The following CALCR variants were observed in gnomAD, a reference collection of about 807,000 sequenced individuals.
CALCR encodes the protein calcitonin receptor.
A neutral mutation model predicts 59.5 loss-of-function variants in CALCR; 47 were observed. The ratio of observed to expected loss-of-function variants is 0.79; its 90% CI spans 0.63 to 1.01. The LOEUF (loss-of-function observed/expected upper bound fraction) is 1.01. CALCR is among the 50% of genes least tolerant of loss of function. CALCR has a pLI of 0.00. For synonymous variants in CALCR, 213 were observed against 211.3 expected (o/e 1.01, Z -0.07); for missense variants, 566 against 597.1 (o/e 0.95, Z 0.54).
rs568230680 is a variant in CALCR at position 93,490,041 on chromosome 7, C to T, written c.-26-3034G>A. 3.9e-5 allele frequency among the ~76,000 whole-genome samples: 6 copies of T among 151,966 alleles called. No homozygotes were observed. In the East Asian group the frequency reaches 9.7e-4, roughly 25 times the overall value. ...TACTGGCAAACTGAATCCAGGAGGA[C>T]ATCAAAAAACGTATCCACCATGATC... is the stretch of plus-strand genomic sequence containing the variant. On this transcript the variant is annotated intron_variant, in intron 2 of 13. Coordinates refer to ENST00000426151, the MANE Select transcript of CALCR (RefSeq NM_001742.4).
chr7:93,435,875 G>C lies in CALCR; in HGVS notation c.1149+77C>G, dbSNP rs940191450. On this transcript the variant is annotated intron_variant, in intron 12 of 13. Coordinates refer to ENST00000426151, the MANE Select transcript of CALCR (RefSeq NM_001742.4). The stretch of plus-strand genomic sequence containing the variant: ...ACAAATAAGTAAAATAATAATAAAA[G>C]ATCATGGGCTTTAGAGTTAAAATCA... The C allele has an allele frequency of 2.0e-5, 11 of 549,262 alleles. No individual in the cohort carries two copies. In the African/African-American group the frequency reaches 2.1e-4, roughly 10 times the overall value. 34.0% of individuals were successfully genotyped at this position (549,262 alleles called of 1,614,324 possible).
intron 2 of CALCR, among the ~76,000 whole-genome samples, chr7:93,569,758 TTGTTAGATG>T (rs1398984459): frequency 2.0e-5 from 3 of 152,054 alleles, no homozygotes; most frequent in Non-Finnish European, 4.4e-5. Flanking sequence ...GGATGGAAAT[TTGTTAGATG>T]TGTTATGGGA....
intron 2 of CALCR, among the ~76,000 whole-genome samples, chr7:93,547,945 A>G (rs1789336763): frequency 6.6e-6 from 1 of 152,196 alleles, no homozygotes; most frequent in African/African-American, 2.4e-5. Flanking sequence ...TTTCAAGGCC[A>G]CATTCCTCAT....
Position 93,554,769 on chromosome 7 carries a change from G to GTATATATATATATATATA in CALCR, c.-27+19502_-27+19519dup, listed in dbSNP as rs55879216. Among the ~76,000 whole-genome samples, 720 of 117,134 alleles carry GTATATATATATATATATA rather than the reference G, an allele frequency of 6.1e-3. 29 individuals carry two copies. Among genetic ancestry groups the GTATATATATATATATATA allele is most frequent in the African/African-American group, 0.016 (352 of 22,510 alleles). The allele number at this position is 117,134 out of a possible 152,430, so 76.8% of individuals were successfully genotyped here. ...ATAGATGTTCAAATTGCCAGGCCAT[G>GTATATATATATATATATA]TATATATATATATATATATATATTA... is the stretch of plus-strand genomic sequence containing the variant. On this transcript the variant is annotated intron_variant, in intron 2 of 13. Transcript: ENST00000426151.
At chr7:93,461,130 A>G (rs562658532) in intron 7 of CALCR, among the ~76,000 whole-genome samples, 183 bp from the exon 8 acceptor site, 3 of 152,302 alleles carry the variant, frequency 2.0e-5, no homozygotes, top group South Asian at 4.1e-4. Context: ...TTTAAAAAAC[A>G]TGTTTCCAAA....
At chr7:93,462,913 C>T (rs775085175) in intron 7 of CALCR, among the ~76,000 whole-genome samples, 11 of 151,964 alleles carry the variant, frequency 7.2e-5, no homozygotes, top group Non-Finnish European at 1.3e-4. Flanking sequence ...TTATTCTCTC[C>T]TTTCCTCCCA....
chr7:93,566,343 C>G (rs1789863146), intron 2 of CALCR, among the ~76,000 whole-genome samples: 2 of 151,714 alleles, frequency 1.3e-5, no homozygotes, highest in African/African-American at 4.8e-5. Flanking sequence ...CAGGTTATAC[C>G]AAAAGGCTGG....
chr7:93,527,488 T>G (rs1486315713), intron 2 of CALCR, among the ~76,000 whole-genome samples: 3 of 152,158 alleles, frequency 2.0e-5, no homozygotes, highest in Non-Finnish European at 4.4e-5. Context: ...TAAAAATAAT[T>G]CTTGAAATTT....
At chr7:93,505,019 A>G (rs1801397361) in intron 2 of CALCR, among the ~76,000 whole-genome samples, 1 of 152,162 alleles carries the variant, frequency 6.6e-6, no homozygotes, top group Non-Finnish European at 1.5e-5. Context: ...CACTCCTGAT[A>G]TAGTCCCACC....
At chr7:93,544,931 G>GC (rs1789245857) in intron 2 of CALCR, among the ~76,000 whole-genome samples, 1 of 152,144 alleles carries the variant, frequency 6.6e-6, no homozygotes, top group South Asian at 2.1e-4. Context: ...AAAGGCCACT[G>GC]TGCAGCTTTC....
At chr7:93,528,158 A>G (rs1788720562) in intron 2 of CALCR, among the ~76,000 whole-genome samples, 1 of 152,198 alleles carries the variant, frequency 6.6e-6, no homozygotes, top group Admixed American at 6.5e-5. Context: ...ACAAAGATTG[A>G]TGCTGCCTGA....
chr7:93,554,870 C>T (rs552092337), intron 2 of CALCR, among the ~76,000 whole-genome samples: 3 of 150,430 alleles, frequency 2.0e-5, no homozygotes, highest in Admixed American at 6.6e-5. Flanking sequence ...GTGCTGAGAA[C>T]CTTAATCATT....
rs200729200 is a variant in CALCR, at chr7:93,546,070, AT to A, written c.-27+28218del. The stretch of plus-strand genomic sequence containing the variant: ...GAAAGAGAATGCCATATTCTAAGAA[AT>A]TTTTTTACCATAATCCCATAGGCAA... On this transcript the variant is annotated intron_variant, in intron 2 of 13. Coordinates refer to ENST00000426151, the MANE Select transcript of CALCR (RefSeq NM_001742.4). Among the ~76,000 whole-genome samples, 1,045 of 152,240 alleles carry A rather than the reference AT, an allele frequency of 6.9e-3. 18 individuals carry two copies. The highest frequency in any genetic ancestry group is 0.024 in the African/African-American group (996 of 41,528).
intron 2 of CALCR, among the ~76,000 whole-genome samples, chr7:93,537,078 C>A (rs1017044883): frequency 6.6e-6 from 1 of 150,870 alleles, no homozygotes; most frequent in African/African-American, 2.4e-5. Context: ...ATTCTTGCGA[C>A]TTTTTTGTGA....
chr7:93,523,013 G>C (rs1801797057), intron 2 of CALCR, among the ~76,000 whole-genome samples: 1 of 152,078 alleles, frequency 6.6e-6, no homozygotes, highest in Non-Finnish European at 1.5e-5. Flanking sequence ...TAAAGTTAAT[G>C]TTTTAAATTA....
chr7:93,430,696 T>A (rs1425772523), intron 13 of CALCR, among the ~76,000 whole-genome samples: 4 of 152,198 alleles, frequency 2.6e-5, no homozygotes, highest in Admixed American at 2.6e-4. Context: ...AAGTGAAGTC[T>A]CTGGGTCAGC....
intron 3 of CALCR, among the ~76,000 whole-genome samples, chr7:93,483,416 G>GAT (rs1027352801): frequency 1.1e-5 from 1 of 90,916 alleles, no homozygotes; most frequent in Non-Finnish European, 2.1e-5. Context: ...TGTATAGATA[G>GAT]ATAGATAGAT....
chr7:93,573,828 A>G (rs981611735), intron 2 of CALCR, among the ~76,000 whole-genome samples: 21 of 152,238 alleles, frequency 1.4e-4, no homozygotes, highest in Non-Finnish European at 2.6e-4. Context: ...AACATGACTT[A>G]ACAAGCAACT....
chr7:93,437,067 T>A (rs1388835624), intron 11 of CALCR, among the ~76,000 whole-genome samples: 1 of 152,082 alleles, frequency 6.6e-6, no homozygotes, highest in African/African-American at 2.4e-5. Flanking sequence ...GCATTTCCTT[T>A]AGTCATGAAA....
Sources: gnomAD v4.1 joint callset for allele counts (sites outside exome capture counted in the v4.1 genomes callset) on GRCh38, gnomAD v4.1.1 for gene constraint, MANE v1.5 for transcripts, NCBI Gene and HGNC (gene_info 2026-07-23, HGNC 2026-07-21) for gene names.